Variants in ACMSD observed in about 807,000 individuals in gnomAD.
ACMSD encodes aminocarboxymuconate semialdehyde decarboxylase, also known as 2-amino-3-carboxymuconate-6-semialdehyde decarboxylase.
Under a neutral mutation model 45.9 loss-of-function variants are expected in ACMSD, and 37 were observed. That is an observed-to-expected ratio of 0.81 (90% CI 0.62 to 1.06). The LOEUF is 1.06. Among genes scored for constraint, ACMSD ranks in the 50% least tolerant of loss-of-function variants. The pLI, the probability that ACMSD is intolerant of heterozygous loss-of-function variation, is 0.00. For missense variants in ACMSD, 434 were observed against 420.9 expected, an observed-to-expected ratio of 1.03 and a Z score of -0.27; for synonymous variants, 138 against 148.8, an observed-to-expected ratio of 0.93 and a Z score of 0.53.
intron 9 of ACMSD, among the ~76,000 whole-genome samples, chr2:134,901,499 A>G (rs1182443070): frequency 6.6e-6 from 1 of 152,142 alleles, no homozygotes; most frequent in African/African-American, 2.4e-5. Flanking sequence ...TTTGCCCCCA[A>G]ATGGTCCTTA....
intron 8 of ACMSD, among the ~76,000 whole-genome samples, chr2:134,894,234 C>A (rs955532880): frequency 6.6e-6 from 1 of 151,588 alleles, no homozygotes; most frequent in Non-Finnish European, 1.5e-5. Context: ...GACTGACCAA[C>A]AAAAATAAAG....
chr2:134,859,928 T>C (rs978102477), intron 3 of ACMSD, among the ~76,000 whole-genome samples: 5 of 152,144 alleles, frequency 3.3e-5, no homozygotes, highest in Non-Finnish European at 5.9e-5. Flanking sequence ...GCTAAAAAGC[T>C]ATAAGAACAT....
intron 2 of ACMSD, among the ~76,000 whole-genome samples, chr2:134,853,245 A>G (rs1687431795): frequency 1.3e-5 from 2 of 151,882 alleles, no homozygotes; most frequent in African/African-American, 2.4e-5. Flanking sequence ...TTGAAATACC[A>G]GCCATATTTG....
At chr2:134,846,834 G>T (rs1451352353) in intron 2 of ACMSD, among the ~76,000 whole-genome samples, 1 of 152,190 alleles carries the variant, frequency 6.6e-6, no homozygotes, top group African/African-American at 2.4e-5. Context: ...TCAGATTCCA[G>T]GGGTCACAAG....
chr2:134,872,228 A>T (rs1688490803), intron 7 of ACMSD, among the ~76,000 whole-genome samples: 1 of 152,114 alleles, frequency 6.6e-6, no homozygotes, highest in South Asian at 2.1e-4. Context: ...AAGTGCTAGG[A>T]TTATAGGTGT....
At chr2:134,897,251 A>C (rs1046639915) in intron 8 of ACMSD, among the ~76,000 whole-genome samples, 2 of 152,102 alleles carry the variant, frequency 1.3e-5, no homozygotes, top group African/African-American at 4.8e-5. Flanking sequence ...CCTGAAATAG[A>C]CTGTATATAT....
At chr2:134,877,641 G>A (rs1172230261) in intron 8 of ACMSD, 2 of 150,188 alleles carry the variant, frequency 1.3e-5, no homozygotes, top group African/African-American at 4.9e-5. Context: ...AAGAGTGAGT[G>A]ATCTGAGAGA....
Position 134,867,628 on chromosome 2 carries a change from A to G in ACMSD, c.536A>G (p.Gln179Arg). ...CTGTTCGTGCATCCCTGGGACATGC[A>G]GATGGATGGACGAATGGCCAAATAC... is the stretch of plus-strand genomic sequence containing the variant. ...CSLFVHPWDM[Q>R]MDGRMAKYWL... Residue 179 changes from glutamine (Q) to arginine (R), a missense_variant, in exon 6 of 10, where the codon CAG becomes CGG. Gln to Arg is a conservative substitution (Grantham distance 43). Coordinates refer to ENST00000356140, the MANE Select transcript of ACMSD (RefSeq NM_138326.3). 6.2e-7 allele frequency: 1 copy of G among 1,613,934 alleles called. No individual in the cohort carries two copies. Among genetic ancestry groups the G allele is most frequent in the Non-Finnish European group, 8.5e-7 (1 of 1,179,910 alleles).
intron 3 of ACMSD, among the ~76,000 whole-genome samples, chr2:134,860,856 C>CAAAAAAAAAAAAAAA (rs60233157): frequency 2.8e-5 from 2 of 72,456 alleles, no homozygotes; most frequent in African/African-American, 5.5e-5. Context: ...CCTGTCTCCA[C>CAAAAAAAAAAAAAAA]AAAAAAAAAA....
At chr2:134,847,397 C>CAGATAGATAGAT (rs1213803670) in intron 2 of ACMSD, among the ~76,000 whole-genome samples, 2,675 of 81,324 alleles carry the variant, frequency 0.033, 39 homozygotes, top group African/African-American at 0.046. Flanking sequence ...TTTGGGGATA[C>CAGATAGATAGAT]AGATAGATAG....
rs1256980153 is a variant in ACMSD, at chr2:134,840,749, TTTTTTATTTTTATGTA to T, written c.57+2014_57+2029del. ...CCCAATAAACCAGGTTTCTTCTTCTTTTTTTATTTTTATGTATTTATTTTTATTTCCATAGGCTATT... is the reference window on the plus strand; with the variant it reads ...CCCAATAAACCAGGTTTCTTCTTCTTTTTATTTTTATTTCCATAGGCTATT... On this transcript the variant is annotated intron_variant, in intron 1 of 9. Transcript: ENST00000356140. Among the ~76,000 whole-genome samples the T allele has an allele frequency of 9.5e-4, 145 of 152,076 alleles. 1 individual carries two copies. Among genetic ancestry groups the T allele is most frequent in the African/African-American group, 3.2e-3 (133 of 41,460 alleles).
chr2:134,838,971 A>C (rs961677797), intron 1 of ACMSD, among the ~76,000 whole-genome samples: 1 of 152,180 alleles, frequency 6.6e-6, no homozygotes, highest in African/African-American at 2.4e-5. Flanking sequence ...TTTTTCCCTC[A>C]AATGAACCAT....
intron 2 of ACMSD, among the ~76,000 whole-genome samples, chr2:134,851,812 T>C (rs1394665518): frequency 6.6e-6 from 1 of 152,102 alleles, no homozygotes; most frequent in African/African-American, 2.4e-5. Context: ...GCCATTCTGA[T>C]TGTTGTGAGA....
At chr2:134,867,979 T>C (rs1290384406) in intron 6 of ACMSD, among the ~76,000 whole-genome samples, 1 of 152,122 alleles carries the variant, frequency 6.6e-6, no homozygotes, top group Non-Finnish European at 1.5e-5. Context: ...GGTGTCCAGG[T>C]CACACAGTTA....
intron 9 of ACMSD, 78 bp downstream of exon 9, chr2:134,898,517 A>G: frequency 1.1e-6 from 1 of 904,670 alleles, no homozygotes; most frequent in Non-Finnish European, 1.6e-6. Flanking sequence ...GCACTTTGAT[A>G]TATAAAAACA....
intron 8 of ACMSD, among the ~76,000 whole-genome samples, chr2:134,880,841 T>C (rs950981029): frequency 2.6e-5 from 4 of 152,238 alleles, no homozygotes; most frequent in Admixed American, 6.5e-5. Flanking sequence ...GAGGTAATAA[T>C]TGCACAGCAC....
At chr2:134,859,222 C>T in intron 2 of ACMSD, 39 bp from the exon 3 acceptor site, 1 of 1,559,814 alleles carries the variant, frequency 6.4e-7, no homozygotes, top group East Asian at 2.2e-5. Context: ...TCCAAGTGGT[C>T]TTAGGTTGCA....
At chr2:134,891,029 A>G (rs999129927) in intron 8 of ACMSD, among the ~76,000 whole-genome samples, 5 of 152,158 alleles carry the variant, frequency 3.3e-5, no homozygotes, top group African/African-American at 1.2e-4. Context: ...AATTATAGAT[A>G]TTAATACCCT....
Position 134,852,226 on chromosome 2 carries a change from G to A in ACMSD, c.102+6949G>A, listed in dbSNP as rs527616388. Among the ~76,000 whole-genome samples the A allele has an allele frequency of 2.6e-5, 4 of 152,296 alleles. No individual in the cohort carries two copies. The South Asian group carries it at 6.2e-4, about 24-fold the overall frequency. ...GTCTGGATTTCACCTTCAGGGAAAC[G>A]GGAATCCATTCAAGAGTTTTAAGTG... is the stretch of plus-strand genomic sequence containing the variant. On this transcript the variant is annotated intron_variant, in intron 2 of 9. Coordinates refer to ENST00000356140, the MANE Select transcript of ACMSD (RefSeq NM_138326.3).
Sources: gnomAD v4.1 joint callset for allele counts (sites outside exome capture counted in the v4.1 genomes callset) on GRCh38, gnomAD v4.1.1 for gene constraint, MANE v1.5 for transcripts, NCBI Gene and HGNC (gene_info 2026-07-23, HGNC 2026-07-21) for gene names.